Variants in C12orf75 observed in about 807,000 individuals in gnomAD.
C12orf75 encodes the protein overexpressed in colon carcinoma 1 protein.
In C12orf75, 4 loss-of-function variants were observed where a neutral mutation model predicts 11.4. The ratio of observed to expected loss-of-function variants is 0.35; its 90% CI spans 0.17 to 0.80. The LOEUF is 0.80. Ranked by LOEUF, C12orf75 falls within the 30% of genes least tolerant of loss-of-function variation. The pLI, the probability that C12orf75 is intolerant of heterozygous loss-of-function variation, is 0.52. For missense variants in C12orf75, 89 were observed against 80.4 expected (o/e 1.11, Z -0.41); for synonymous variants, 30 against 30.0 (o/e 1.00, Z 0.00).
At chr12:105,365,982 G>T in intron 3 of C12orf75, 140 bp downstream of exon 3, 1 of 699,018 alleles carries the variant, frequency 1.4e-6, no homozygotes, top group Non-Finnish European at 2.6e-6. Flanking sequence ...AGGGGCATAT[G>T]GTCTGAAAAA....
chr12:105,341,311 T>C (rs537659210), intron 1 of C12orf75, among the ~76,000 whole-genome samples: 13 of 152,080 alleles, frequency 8.5e-5, no homozygotes, highest in East Asian at 1.9e-4. Context: ...GTTTTTTTTT[T>C]CCCCCGTTTC....
intron 1 of C12orf75, among the ~76,000 whole-genome samples, chr12:105,336,140 A>G (rs967176702): frequency 1.3e-4 from 20 of 152,232 alleles, no homozygotes; most frequent in Non-Finnish European, 2.1e-4. Flanking sequence ...AGAGACAGAA[A>G]TGGGCTTGGC....
intron 2 of C12orf75, among the ~76,000 whole-genome samples, chr12:105,360,624 G>A (rs377083577): frequency 1.3e-5 from 2 of 152,166 alleles, no homozygotes; most frequent in Non-Finnish European, 2.9e-5. Context: ...GCACTTACAT[G>A]TGTAAGAAAA....
At chr12:105,348,697 C>A (rs1892672473) in intron 2 of C12orf75, 71 bp downstream of exon 2, 2 of 995,632 alleles carry the variant, frequency 2.0e-6, no homozygotes, top group South Asian at 1.5e-5. Flanking sequence ...TGATTATGAC[C>A]TTTAGATCTC....
At chr12:105,365,958 C>G in intron 3 of C12orf75, 116 bp downstream of exon 3, 1 of 753,668 alleles carries the variant, frequency 1.3e-6, no homozygotes, top group Non-Finnish European at 2.4e-6. Flanking sequence ...ACTGTTGGCA[C>G]AGAGAATACA....
At chr12:105,343,919 C>T (rs1892604719) in intron 1 of C12orf75, among the ~76,000 whole-genome samples, 2 of 152,194 alleles carry the variant, frequency 1.3e-5, no homozygotes, top group South Asian at 4.1e-4. Context: ...TTGCCCCACC[C>T]CTACCATTGC....
At chr12:105,354,496 AG>A (rs1892750984) in intron 2 of C12orf75, among the ~76,000 whole-genome samples, 1 of 152,210 alleles carries the variant, frequency 6.6e-6, no homozygotes, top group Non-Finnish European at 1.5e-5. Context: ...TAGCTGCTGG[AG>A]GGACAGATTA....
At chr12:105,357,807 TGA>T (rs1296757750) in intron 2 of C12orf75, among the ~76,000 whole-genome samples, 9,365 of 122,530 alleles carry the variant, frequency 0.076, 334 homozygotes, top group African/African-American at 0.12. Context: ...TGTGTGTGTG[TGA>T]GAGAGAGAGA....
intron 2 of C12orf75, among the ~76,000 whole-genome samples, chr12:105,355,836 T>C (rs1892774188): frequency 7.6e-6 from 1 of 130,914 alleles, no homozygotes; most frequent in African/African-American, 3.0e-5. Context: ...TTCCTAACAC[T>C]GTGTGCCCCT....
At chr12:105,365,324 T>C (rs1871433032) in intron 2 of C12orf75, among the ~76,000 whole-genome samples, 2 of 152,164 alleles carry the variant, frequency 1.3e-5, no homozygotes, top group Admixed American at 1.3e-4. Flanking sequence ...TCAGTACCTA[T>C]AGTTGTGCCA....
chr12:105,356,518 A>G (rs1293585373), intron 2 of C12orf75, among the ~76,000 whole-genome samples: 1 of 140,756 alleles, frequency 7.1e-6, no homozygotes, highest in Non-Finnish European at 1.5e-5. Context: ...TTTCTTGATG[A>G]ATAAGTAAAA....
At chr12:105,342,120 G>A (rs143432867) in intron 1 of C12orf75, among the ~76,000 whole-genome samples, 16 of 152,316 alleles carry the variant, frequency 1.1e-4, no homozygotes, top group African/African-American at 2.4e-4. Flanking sequence ...TGAGGTTTTC[G>A]TAGGTGCTGT....
At chr12:105,345,780 T>C (rs538329938) in intron 1 of C12orf75, among the ~76,000 whole-genome samples, 3 of 145,744 alleles carry the variant, frequency 2.1e-5, no homozygotes, top group African/African-American at 7.6e-5. Context: ...TGCCTCAGCC[T>C]CCCAAGTAGC....
intron 1 of C12orf75, among the ~76,000 whole-genome samples, chr12:105,331,368 G>A (rs1479038402): frequency 6.6e-6 from 1 of 152,072 alleles, no homozygotes; most frequent in African/African-American, 2.4e-5. Flanking sequence ...GAGCAAGACA[G>A]GACTTTTCGG....
intron 1 of C12orf75, among the ~76,000 whole-genome samples, chr12:105,333,302 T>A (rs1019174664): frequency 3.3e-5 from 5 of 152,172 alleles, no homozygotes; most frequent in Admixed American, 2.0e-4. Flanking sequence ...ATGAGAGATG[T>A]AAAGAAAAAT....
At chr12:105,332,417 G>A (rs1892442169) in intron 1 of C12orf75, among the ~76,000 whole-genome samples, 1 of 152,086 alleles carries the variant, frequency 6.6e-6, no homozygotes, top group Admixed American at 6.6e-5. Context: ...TGGGGAGGGG[G>A]TACCATTGCC....
intron 1 of C12orf75, among the ~76,000 whole-genome samples, chr12:105,344,943 G>A (rs1892618322): frequency 6.8e-6 from 1 of 148,068 alleles, no homozygotes; most frequent in African/African-American, 2.5e-5. Flanking sequence ...TTTCTTTTTA[G>A]ACGTAAGCTG....
chr12:105,334,516 A>G (rs1892476170), intron 1 of C12orf75, among the ~76,000 whole-genome samples: 1 of 152,198 alleles, frequency 6.6e-6, no homozygotes, highest in Non-Finnish European at 1.5e-5. Flanking sequence ...TCACATTTTG[A>G]TATCATCACT....
rs1199557520 is a variant in C12orf75 at position 105,371,022 on chromosome 12, A to T, written c.*422A>T. On this transcript the variant is annotated 3_prime_UTR_variant, in exon 6 of 6. Transcript: ENST00000443585. Reference sequence around the variant, plus strand: ...CTTATTCTATTTATAACTTAAGATGATAAGGCACTATAAATTAATGACCTA... The same window carrying T: ...CTTATTCTATTTATAACTTAAGATGTTAAGGCACTATAAATTAATGACCTA... The T allele has an allele frequency of 5.9e-6, 1 of 168,474 alleles. No homozygotes were observed. The highest frequency in any genetic ancestry group is 1.3e-5 in the Non-Finnish European group (1 of 76,600). The allele number at this position is 168,474 out of a possible 1,614,324, so 10.4% of individuals were successfully genotyped here. A position where few individuals can be genotyped will look rare whatever the true frequency, so the allele number is the denominator to read the frequency against.
Sources: gnomAD v4.1 joint callset for allele counts (sites outside exome capture counted in the v4.1 genomes callset) on GRCh38, gnomAD v4.1.1 for gene constraint, MANE v1.5 for transcripts, NCBI Gene and HGNC (gene_info 2026-07-23, HGNC 2026-07-21) for gene names.